The following RIC1 variants were observed in gnomAD, a reference collection of about 807,000 sequenced individuals.
RIC1 encodes RIC1 partner of RAB6A GEF complex.
Under a neutral mutation model 169.0 loss-of-function variants are expected in RIC1, and 88 were observed. The observed-to-expected ratio is 0.52, with a 90% CI of 0.44 to 0.62. The LOEUF (loss-of-function observed/expected upper bound fraction) is 0.62, where lower values mean the gene tolerates loss of function less well. Among genes scored for constraint, RIC1 ranks in the 20% least tolerant of loss-of-function variants. The pLI is 0.00. For missense variants in RIC1, 1,877 were observed against 1,725.5 expected (o/e 1.09, Z -1.56); for synonymous variants, 790 against 601.5 (o/e 1.31, Z -4.59).
At chr9:5,770,925 G>T (rs1586732770) in intron 23 of RIC1, among the ~76,000 whole-genome samples, 1 of 152,148 alleles carries the variant, frequency 6.6e-6, no homozygotes, top group Admixed American at 6.5e-5. Flanking sequence ...TAGTATAGGA[G>T]CTTAAACAAC....
At chr9:5,658,836 T>TTA (rs1159681495) in intron 2 of RIC1, among the ~76,000 whole-genome samples, 1 of 150,872 alleles carries the variant, frequency 6.6e-6, no homozygotes, top group African/African-American at 2.4e-5. Context: ...TTTTTTTTTT[T>TTA]ACCGAGACTG....
chr9:5,654,816 G>T (rs151237502), intron 1 of RIC1, among the ~76,000 whole-genome samples: 1 of 152,230 alleles, frequency 6.6e-6, no homozygotes, highest in African/African-American at 2.4e-5. Context: ...GCCTTTCAAA[G>T]TGTAGGGATT....
chr9:5,721,140 T>TA (rs1823562689), intron 6 of RIC1, among the ~76,000 whole-genome samples: 1 of 152,226 alleles, frequency 6.6e-6, no homozygotes, highest in South Asian at 2.1e-4. Context: ...CCACCATACT[T>TA]ATATTCTTCT....
chr9:5,737,857 T>C (rs1332912171), intron 7 of RIC1, among the ~76,000 whole-genome samples: 2 of 151,842 alleles, frequency 1.3e-5, no homozygotes, highest in African/African-American at 4.8e-5. Context: ...AAGAAAATTA[T>C]AAGGAAGAAA....
At chr9:5,666,148 C>CT (rs1445244376) in intron 2 of RIC1, among the ~76,000 whole-genome samples, 3 of 152,180 alleles carry the variant, frequency 2.0e-5, no homozygotes, top group Admixed American at 1.3e-4. Context: ...GGAAGACCCA[C>CT]TACCCCATGA....
At chr9:5,760,245 G>A (rs1826247716) in intron 17 of RIC1, among the ~76,000 whole-genome samples, 1 of 152,150 alleles carries the variant, frequency 6.6e-6, no homozygotes, top group Non-Finnish European at 1.5e-5. Flanking sequence ...GATTGAGTTT[G>A]GGGTTCCTTC....
intron 6 of RIC1, among the ~76,000 whole-genome samples, chr9:5,730,923 A>G (rs1024500429): frequency 3.3e-5 from 5 of 152,096 alleles, no homozygotes; most frequent in African/African-American, 1.2e-4. Context: ...ACTTCACTCT[A>G]TCCACACAGG....
intron 3 of RIC1, among the ~76,000 whole-genome samples, chr9:5,708,653 C>A (rs993844774): frequency 6.6e-6 from 1 of 152,232 alleles, no homozygotes; most frequent in African/African-American, 2.4e-5. Flanking sequence ...TGAGGAGTCA[C>A]ATACATCTCT....
chr9:5,653,114 C>A (rs143569318), intron 1 of RIC1, among the ~76,000 whole-genome samples: 54 of 152,278 alleles, frequency 3.5e-4, no homozygotes, highest in African/African-American at 1.3e-3. Context: ...ACTTTTGCAT[C>A]TGTGTTCATC....
intron 6 of RIC1, among the ~76,000 whole-genome samples, chr9:5,722,163 C>T: frequency 6.6e-6 from 1 of 151,580 alleles, no homozygotes; most frequent in Middle Eastern, 3.2e-3. Context: ...GCTGGGATTA[C>T]AGGCGTCAGC....
At chr9:5,737,641 A>G (rs1458232089) in intron 7 of RIC1, among the ~76,000 whole-genome samples, 1 of 151,784 alleles carries the variant, frequency 6.6e-6, no homozygotes, top group Non-Finnish European at 1.5e-5. Context: ...ACCGTTGAAC[A>G]GCCCAGGGGT....
chr9:5,739,357 A>C (rs1385748978), intron 8 of RIC1, among the ~76,000 whole-genome samples: 1 of 152,154 alleles, frequency 6.6e-6, no homozygotes, highest in South Asian at 2.1e-4. Flanking sequence ...ATCCCTACTT[A>C]GTGGGCCCAA....
At chr9:5,634,118 CT>C (rs945830537) in intron 1 of RIC1, among the ~76,000 whole-genome samples, 1 of 152,032 alleles carries the variant, frequency 6.6e-6, no homozygotes, top group African/African-American at 2.4e-5. Context: ...GTTACATTTT[CT>C]TTATCCATTC....
intron 1 of RIC1, among the ~76,000 whole-genome samples, chr9:5,644,527 T>G (rs941987928): frequency 2.0e-5 from 3 of 152,220 alleles, no homozygotes; most frequent in Non-Finnish European, 4.4e-5. Flanking sequence ...TTCTTATCCT[T>G]TATCCCCTTC....
chr9:5,633,928 C>G (rs977661619), intron 1 of RIC1, among the ~76,000 whole-genome samples: 1 of 152,256 alleles, frequency 6.6e-6, no homozygotes, highest in East Asian at 1.9e-4. Context: ...TGGTAATCAT[C>G]GTTCTATTCT....
At chr9:5,657,412 C>G (rs1460581247) in intron 2 of RIC1, among the ~76,000 whole-genome samples, 1 of 152,102 alleles carries the variant, frequency 6.6e-6, no homozygotes, top group East Asian at 1.9e-4. Flanking sequence ...CACCTCCTAT[C>G]CGATGAGTAC....
At chr9:5,756,574 G>C (rs956858926) in intron 16 of RIC1, among the ~76,000 whole-genome samples, 2 of 151,794 alleles carry the variant, frequency 1.3e-5, no homozygotes, top group Non-Finnish European at 2.9e-5. Flanking sequence ...AACTTCTTTA[G>C]CTTATCTTCC....
Position 5,710,896 on chromosome 9 carries a change from GAGAGAAA to G in RIC1, c.333-2991_333-2985del, listed in dbSNP as rs570519889. Among the ~76,000 whole-genome samples, 126 of 152,186 alleles carry G rather than the reference GAGAGAAA, an allele frequency of 8.3e-4. 1 individual carries two copies. Among genetic ancestry groups the G allele is most frequent in the African/African-American group, 2.9e-3 (122 of 41,538 alleles). On this transcript the variant is annotated intron_variant, in intron 3 of 25. Coordinates refer to ENST00000414202, the MANE Select transcript of RIC1 (RefSeq NM_020829.4). ...GATATAGAATAAAAGACAAGAATAA[GAGAGAAA>G]AGAGAAAATTAGAGTTTAATATGAG...
chr9:5,726,807 T>G (rs1218701618), intron 6 of RIC1, among the ~76,000 whole-genome samples: 7 of 152,354 alleles, frequency 4.6e-5, no homozygotes, highest in South Asian at 2.1e-4. Flanking sequence ...TCTCCTTCAC[T>G]TACGAAGCTT....
Sources: gnomAD v4.1 joint callset for allele counts (sites outside exome capture counted in the v4.1 genomes callset) on GRCh38, gnomAD v4.1.1 for gene constraint, MANE v1.5 for transcripts, NCBI Gene and HGNC (gene_info 2026-07-23, HGNC 2026-07-21) for gene names.